SCN2A: variants seen among roughly 807,000 people sequenced by gnomAD.
The protein encoded by SCN2A is sodium channel protein type 2 subunit alpha.
SCN2A carries 20 observed loss-of-function variants against 188.7 expected under a neutral mutation model. That is an observed-to-expected ratio of 0.11 (90% confidence interval 0.07 to 0.15). The LOEUF is 0.15. SCN2A is among the 10% of genes least tolerant of loss of function. The pLI is 1.00. For synonymous variants in SCN2A, 804 were observed against 833.1 expected (o/e 0.97, Z 0.60); for missense variants, 1,278 against 2,445.0 (o/e 0.52, Z 10.07).
intron 1 of SCN2A, among the ~76,000 whole-genome samples, chr2:165,275,274 T>A (rs1250589235): frequency 6.6e-6 from 1 of 152,196 alleles, no homozygotes. Flanking sequence ...AGGGCTTTTG[T>A]TAAACCTCAT....
intron 3 of SCN2A, among the ~76,000 whole-genome samples, chr2:165,299,378 G>C (rs1696679840): frequency 6.6e-6 from 1 of 152,170 alleles, no homozygotes; most frequent in Non-Finnish European, 1.5e-5. Context: ...AAGCCAGCCA[G>C]GCAAATCTAT....
chr2:165,276,834 A>T (rs962728929), intron 1 of SCN2A, among the ~76,000 whole-genome samples: 2 of 152,144 alleles, frequency 1.3e-5, no homozygotes, highest in African/African-American at 2.4e-5. Flanking sequence ...CACCTTCTGG[A>T]TGTTGAGTTA....
At chr2:165,342,602 A>C in intron 15 of SCN2A, 133 bp downstream of exon 15, 1 of 904,974 alleles carries the variant, frequency 1.1e-6, no homozygotes. Flanking sequence ...TTGGATTGCC[A>C]TACCACCAAA....
In SCN2A at chr2:165,297,112, A is replaced by G; in HGVS notation, c.363A>G (p.Leu121=). The G allele has an allele frequency of 6.3e-7, 1 of 1,599,562 alleles. No individual in the cohort carries two copies. ...CTCCCTTCAACCCTATTAGAAAATT[A>G]GCTATTAAGATTTTGGTACATTCAT... ...ILTPFNPIRK[L]AIKILVHSLF... The change falls in exon 3 of 27, where the codon TTA becomes TTG. Residue 121 remains leucine, a synonymous_variant. Coordinates refer to ENST00000375437, the MANE Select transcript of SCN2A (RefSeq NM_001040142.2).
At position 165,295,846 on chromosome 2, in the gene SCN2A, C is replaced by A. The variant is rs747139785; in HGVS notation, c.23C>A (p.Pro8Gln). The A allele has an allele frequency of 1.2e-6, 2 of 1,613,948 alleles. No homozygotes were observed. The highest frequency in any genetic ancestry group is 8.5e-7 in the Non-Finnish European group (1 of 1,180,014). ...AAGATGGCACAGTCAGTGCTGGTAC[C>A]GCCAGGACCTGACAGCTTCCGCTTC... is the stretch of plus-strand genomic sequence containing the variant. MAQSVLV[P>Q]PGPDSFRFFT... Residue 8 changes from proline (P) to glutamine (Q), a missense_variant, in exon 2 of 27, where the codon CCG (proline) becomes CAG (glutamine). Physicochemically the swap from Pro to Gln is moderately conservative, Grantham distance 76. Transcript: ENST00000375437.
intron 19 of SCN2A, among the ~76,000 whole-genome samples, chr2:165,369,312 C>G (rs533760273): frequency 1.3e-5 from 2 of 152,268 alleles, no homozygotes; most frequent in African/African-American, 4.8e-5. Flanking sequence ...GCTCTTTGTT[C>G]TCAGTTACAC....
At chr2:165,381,266 A>G in intron 25 of SCN2A, 69 bp downstream of exon 25, 1 of 1,123,182 alleles carries the variant, frequency 8.9e-7, no homozygotes, top group South Asian at 1.4e-5. Context: ...CCGAATTTCT[A>G]GAAACTAGTT....
rs886055002 is a variant in SCN2A at position 165,390,115 on chromosome 2, G to T, written c.*291G>T. ...GACGATAGGAACCAATTTAAAGGGG[G>T]GAGGGAAGTTAAATTTTTATGTAAA... On this transcript the variant is annotated 3_prime_UTR_variant, in exon 27 of 27. Transcript: ENST00000375437. 2 of 330,172 alleles carry T rather than the reference G, an allele frequency of 6.1e-6. No individual in the cohort carries two copies. The highest frequency in any genetic ancestry group is 5.6e-6 in the Non-Finnish European group (1 of 179,780). 20.5% of individuals were successfully genotyped at this position (330,172 alleles called of 1,614,324 possible). A position where few individuals can be genotyped will look rare whatever the true frequency, so the allele number is the denominator to read the frequency against.
chr2:165,296,858 G>GA lies in SCN2A; in HGVS notation c.268-150dup, dbSNP rs139906774. 0.22 allele frequency: 102,774 copies of GA among 463,826 alleles called. 10,370 individuals carry two copies. Among genetic ancestry groups the GA allele is most frequent in the Admixed American group, 0.3 (8,014 of 26,466 alleles). The allele number at this position is 463,826 out of a possible 1,614,324, so 28.7% of individuals were successfully genotyped here. A position where few individuals can be genotyped will look rare whatever the true frequency, so the allele number is the denominator to read the frequency against. ...AATTTAGGAAAGTTTATAGTGCTCA[G>GA]AAAAAAAAAGCATCTATCTTCATGT... On this transcript the variant is annotated intron_variant, in intron 2 of 26. Transcript: ENST00000375437.
At chr2:165,290,217 G>T (rs1416437562) in intron 1 of SCN2A, among the ~76,000 whole-genome samples, 2 of 151,902 alleles carry the variant, frequency 1.3e-5, no homozygotes, top group African/African-American at 4.8e-5. Context: ...TCTTTGTATT[G>T]GGAACATTCA....
At chr2:165,245,837 A>G (rs1442131854) in intron 1 of SCN2A, among the ~76,000 whole-genome samples, 2 of 152,220 alleles carry the variant, frequency 1.3e-5, no homozygotes, top group Admixed American at 6.5e-5. Context: ...TAAATTGTTC[A>G]TGATTTTGTT....
At chr2:165,308,024 C>A (rs555832935) in intron 4 of SCN2A, 87 bp downstream of exon 4, 3 of 889,172 alleles carry the variant, frequency 3.4e-6, no homozygotes, top group African/African-American at 3.3e-5. Context: ...ATTTCTTTAA[C>A]AAATCATGCT....
At chr2:165,352,187 G>T (rs1699955267) in intron 16 of SCN2A, among the ~76,000 whole-genome samples, 1 of 151,848 alleles carries the variant, frequency 6.6e-6, no homozygotes. Flanking sequence ...TCCTTTGTCT[G>T]TTTTTTTAAT....
chr2:165,310,650 T>C, intron 7 of SCN2A, 55 bp downstream of exon 7: 1 of 1,261,502 alleles, frequency 7.9e-7, no homozygotes, highest in South Asian at 1.6e-5. Flanking sequence ...TATTAAATAT[T>C]ATATATAATG....
intron 11 of SCN2A, among the ~76,000 whole-genome samples, chr2:165,318,353 G>T (rs917077984): frequency 1.3e-5 from 2 of 152,074 alleles, no homozygotes; most frequent in Non-Finnish European, 2.9e-5. Flanking sequence ...GGATTTTTTT[G>T]AAACCTTTAT....
At chr2:165,244,584 A>C (rs1275113005) in intron 1 of SCN2A, among the ~76,000 whole-genome samples, 1 of 152,210 alleles carries the variant, frequency 6.6e-6, no homozygotes, top group Non-Finnish European at 1.5e-5. Context: ...AAAGGTATTT[A>C]AGTATATTTT....
chr2:165,315,968 G>C (rs1321723659), intron 11 of SCN2A, among the ~76,000 whole-genome samples: 2 of 152,116 alleles, frequency 1.3e-5, no homozygotes, highest in African/African-American at 4.8e-5. Context: ...ATCCCTCTGG[G>C]TTTGGAAAAA....
intron 1 of SCN2A, among the ~76,000 whole-genome samples, chr2:165,266,106 A>T (rs978186785): frequency 6.6e-6 from 1 of 152,086 alleles, no homozygotes; most frequent in Non-Finnish European, 1.5e-5. Context: ...AAGAAAATCT[A>T]TGATGGTCTA....
intron 1 of SCN2A, among the ~76,000 whole-genome samples, chr2:165,241,363 A>T (rs1693615281): frequency 6.6e-6 from 1 of 152,156 alleles, no homozygotes; most frequent in South Asian, 2.1e-4. Context: ...CCCTATGCTC[A>T]TGAATGATGT....
Sources: gnomAD v4.1 joint callset for allele counts (sites outside exome capture counted in the v4.1 genomes callset) on GRCh38, gnomAD v4.1.1 for gene constraint, MANE v1.5 for transcripts, NCBI Gene and HGNC (gene_info 2026-07-23, HGNC 2026-07-21) for gene names.